RELCH: variants seen among roughly 807,000 people sequenced by gnomAD.
RELCH encodes RAB11 binding and LisH domain, coiled-coil and HEAT repeat containing.
In RELCH, 41 loss-of-function variants were observed where a neutral mutation model predicts 150.3. The ratio of observed to expected loss-of-function variants is 0.27; its 90% CI spans 0.21 to 0.35. RELCH has a LOEUF of 0.35. Among genes scored for constraint, RELCH ranks in the 10% least tolerant of loss-of-function variants. The pLI, the probability that RELCH is intolerant of heterozygous loss-of-function variation, is 1.00. For missense variants in RELCH, 1,092 were observed against 1,467.8 expected (o/e 0.74, Z 4.18); for synonymous variants, 478 against 531.8 (o/e 0.90, Z 1.39).
intron 1 of RELCH, among the ~76,000 whole-genome samples, chr18:62,200,561 A>G (rs907197904): frequency 2.0e-5 from 3 of 150,012 alleles, no homozygotes; most frequent in Non-Finnish European, 3.0e-5. Flanking sequence ...GCTGTCCCCA[A>G]CTTTTTTTTT....
At chr18:62,207,467 G>A (rs1159517640) in intron 1 of RELCH, among the ~76,000 whole-genome samples, 4 of 152,096 alleles carry the variant, frequency 2.6e-5, no homozygotes, top group African/African-American at 9.7e-5. Flanking sequence ...GAATAATTAT[G>A]TACAAGATTT....
intron 1 of RELCH, among the ~76,000 whole-genome samples, chr18:62,204,518 G>A (rs1018596240): frequency 9.9e-5 from 15 of 151,986 alleles, no homozygotes; most frequent in Non-Finnish European, 1.9e-4. Flanking sequence ...TTTTTGTAGA[G>A]ACAATGTCTC....
chr18:62,204,630 A>G (rs1358601135), intron 1 of RELCH, among the ~76,000 whole-genome samples: 2 of 151,426 alleles, frequency 1.3e-5, no homozygotes, highest in Admixed American at 1.3e-4. Flanking sequence ...CCAGCCCTCC[A>G]TTTTATAATA....
intron 1 of RELCH, 47 bp downstream of exon 1, chr18:62,188,078 TACGG>T: frequency 1.3e-6 from 2 of 1,487,886 alleles, no homozygotes; most frequent in Non-Finnish European, 1.8e-6. Flanking sequence ...TTTGGGATTG[TACGG>T]AGTTACTGTA....
intron 1 of RELCH, among the ~76,000 whole-genome samples, chr18:62,201,807 A>T (rs1171384268): frequency 6.6e-6 from 1 of 152,190 alleles, no homozygotes; most frequent in Admixed American, 6.5e-5. Context: ...TTCAATAAAT[A>T]TTTAAATTAC....
At chr18:62,239,698 C>G (rs1447378704) in intron 10 of RELCH, among the ~76,000 whole-genome samples, 1 of 152,054 alleles carries the variant, frequency 6.6e-6, no homozygotes, top group Non-Finnish European at 1.5e-5. Context: ...CATGGGATCT[C>G]TAGTTAGCCA....
At chr18:62,222,115 G>A (rs1386178701) in intron 5 of RELCH, among the ~76,000 whole-genome samples, 1 of 151,848 alleles carries the variant, frequency 6.6e-6, no homozygotes, top group Admixed American at 6.6e-5. Context: ...AAATGCCAGT[G>A]AATTTATTAT....
At chr18:62,240,647 A>G (rs1032866035) in intron 10 of RELCH, among the ~76,000 whole-genome samples, 1 of 151,988 alleles carries the variant, frequency 6.6e-6, no homozygotes, top group African/African-American at 2.4e-5. Flanking sequence ...ATCCTCTTCT[A>G]TTAATGAATT....
At position 62,282,460 on chromosome 18, in the gene RELCH, C is replaced by G. The variant is rs1236667388; in HGVS notation, c.3253+16C>G. ...CGAGATGAGTGTAAGTTGCATTTTT[C>G]TACCTTTTTCCTGAATTGTAATGTA... On this transcript the variant is annotated intron_variant, in intron 25 of 28. Transcript: ENST00000644646. The G allele has an allele frequency of 5.0e-6, 8 of 1,609,100 alleles. No individual in the cohort carries two copies. In the East Asian group the frequency reaches 1.3e-4, roughly 27 times the overall value.
At position 62,307,513 on chromosome 18, in the gene RELCH, CTT is replaced by C. The variant is rs2145198080; in HGVS notation, c.*1982_*1983del. 6.6e-6 allele frequency: 1 copy of C among 152,074 alleles called. No homozygotes were observed. The highest frequency in any genetic ancestry group is 1.5e-5 in the Non-Finnish European group (1 of 67,924). 9.4% of individuals were successfully genotyped at this position (152,074 alleles called of 1,614,324 possible). On this transcript the variant is annotated 3_prime_UTR_variant, in exon 29 of 29. Coordinates refer to ENST00000644646, the MANE Select transcript of RELCH (RefSeq NM_001346231.2). ...CACAGTGTATTTCAAGTGAGAGTCT[CTT>C]TTCTTAAATATTTTAATATCATTAA...
intron 2 of RELCH, among the ~76,000 whole-genome samples, chr18:62,219,618 G>T (rs2040721449): frequency 6.6e-6 from 1 of 151,746 alleles, no homozygotes. Flanking sequence ...AAGTGTAAAT[G>T]TTAAGGAAAA....
At chr18:62,236,884 A>G (rs867179153) in intron 10 of RELCH, among the ~76,000 whole-genome samples, 2 of 151,520 alleles carry the variant, frequency 1.3e-5, no homozygotes, top group African/African-American at 2.4e-5. Flanking sequence ...GTAGTTCCAT[A>G]AGATATTGAA....
chr18:62,293,150 A>G (rs1277437819), intron 27 of RELCH, among the ~76,000 whole-genome samples: 1 of 152,204 alleles, frequency 6.6e-6, no homozygotes, highest in Admixed American at 6.5e-5. Context: ...CTCTGTCAAA[A>G]GAATGCCATT....
Position 62,268,891 on chromosome 18 carries a change from C to A in RELCH, c.2703C>A (p.Val901=). 1 of 1,538,578 alleles carries A rather than the reference C, an allele frequency of 6.5e-7. No individual in the cohort carries two copies. Among genetic ancestry groups the A allele is most frequent in the South Asian group, 1.3e-5 (1 of 79,114 alleles). ...TAGATTCCTCAGCAGGAAATGGGGT[C>A]CTCACTAAAGCTACAGTCCCCATTT... The part of the protein sequence containing the change: ...ENIDSSAGNG[V]LTKATVPIYA... Residue 901 remains valine, a synonymous_variant, in exon 20 of 29, where the codon GTC becomes GTA. Transcript: ENST00000644646.
chr18:62,237,008 C>T (rs2041910732), intron 10 of RELCH, among the ~76,000 whole-genome samples: 1 of 151,590 alleles, frequency 6.6e-6, no homozygotes, highest in African/African-American at 2.4e-5. Flanking sequence ...TTTCATTCAT[C>T]TCAATGTTTT....
chr18:62,273,107 T>C (rs1258443431), intron 20 of RELCH, among the ~76,000 whole-genome samples: 2 of 152,044 alleles, frequency 1.3e-5, no homozygotes, highest in Non-Finnish European at 2.9e-5. Flanking sequence ...AGCTATTTAC[T>C]GTTGACCTTC....
chr18:62,213,729 C>CAAAAA lies in RELCH; in HGVS notation c.616+2504_616+2508dup, dbSNP rs5825484. On this transcript the variant is annotated intron_variant, in intron 2 of 28. Coordinates refer to ENST00000644646, the MANE Select transcript of RELCH (RefSeq NM_001346231.2). ...TGGGTGACAGAGTGAGACTCAGTCT[C>CAAAAA]AAAAAAAAAAAAAAAAAAAAAGATC... Among the ~76,000 whole-genome samples, 44 of 80,416 alleles carry CAAAAA rather than the reference C, an allele frequency of 5.5e-4. 2 individuals are homozygous for CAAAAA. The highest frequency in any genetic ancestry group is 1.1e-3 in the African/African-American group (21 of 19,836). 52.8% of individuals were successfully genotyped at this position (80,416 alleles called of 152,430 possible). A position where few individuals can be genotyped will look rare whatever the true frequency, so the allele number is the denominator to read the frequency against.
At position 62,232,256 on chromosome 18, in the gene RELCH, A is replaced by G. The variant is rs569435376; in HGVS notation, c.1525-76A>G. 3.3e-6 allele frequency: 3 copies of G among 900,996 alleles called. No individual in the cohort carries two copies. The Admixed American group carries it at 5.4e-5, about 16-fold the overall frequency. The allele number at this position is 900,996 out of a possible 1,614,324, so 55.8% of individuals were successfully genotyped here. A position where few individuals can be genotyped will look rare whatever the true frequency, so the allele number is the denominator to read the frequency against. ...GTTTAGGGCAGAGGTATCAGGGCCTAAAGAATGAACTTTTCCATATTATTA... is the reference window on the plus strand; with the variant it reads ...GTTTAGGGCAGAGGTATCAGGGCCTGAAGAATGAACTTTTCCATATTATTA... On this transcript the variant is annotated intron_variant, in intron 9 of 28. Transcript: ENST00000644646.
At chr18:62,280,190 T>TACCAGTAAGTA in intron 23 of RELCH, 5 of 610,280 alleles carry the variant, frequency 8.2e-6, no homozygotes, top group Non-Finnish European at 1.2e-5. Context: ...AACAGGTTGT[T>TACCAGTAAGTA]ACCAGTAAGT....
Sources: allele counts gnomAD v4.1 joint callset (sites outside exome capture counted in the v4.1 genomes callset), GRCh38; gene constraint gnomAD v4.1.1; transcripts MANE v1.5; gene names NCBI Gene and HGNC (gene_info 2026-07-23, HGNC 2026-07-21).